The following XXYLT1 variants were observed in gnomAD, a reference collection of about 807,000 sequenced individuals.
XXYLT1 encodes xyloside xylosyltransferase 1, also known as UDP-xylose:alpha-xyloside alpha-1,3-xylosyltransferase.
XXYLT1 carries 20 observed loss-of-function variants against 28.9 expected under a neutral mutation model. That is an observed-to-expected ratio of 0.69 (90% CI 0.49 to 1.00). XXYLT1 has a LOEUF of 1.00. Among genes scored for constraint, XXYLT1 ranks in the 50% least tolerant of loss-of-function variants. The pLI is 0.00. For synonymous variants in XXYLT1, 257 were observed against 253.8 expected (o/e 1.01, Z -0.12); for missense variants, 542 against 560.1 (o/e 0.97, Z 0.33).
intron 3 of XXYLT1, among the ~76,000 whole-genome samples, chr3:195,072,382 A>G (rs1030929167): frequency 6.6e-5 from 10 of 152,162 alleles, no homozygotes; most frequent in Non-Finnish European, 1.2e-4. Flanking sequence ...TGTTCCAGGT[A>G]TCCTTACCAA....
intron 3 of XXYLT1, among the ~76,000 whole-genome samples, chr3:195,120,284 G>GC (rs3073308): frequency 0.024 from 2,705 of 111,700 alleles, 125 homozygotes; most frequent in African/African-American, 0.089. Context: ...CTGCTCAGAT[G>GC]CCCCCCCCGC....
chr3:195,136,817 A>AAAAT lies in XXYLT1; in HGVS notation c.785+19628_785+19631dup, dbSNP rs541615711. ...CATGGAGACTTCAGCCTGGACAAGA[A>AAAAT]AAATAAATAAATAAATAAAAACAAG... On this transcript the variant is annotated intron_variant, in intron 3 of 3. Coordinates refer to ENST00000310380, the MANE Select transcript of XXYLT1 (RefSeq NM_152531.5). 1.5e-4 allele frequency among the ~76,000 whole-genome samples: 23 copies of AAAAT among 152,262 alleles called. 1 individual carries two copies. The South Asian group carries it at 1.7e-3, about 11-fold the overall frequency.
chr3:195,162,662 C>T (rs985211801), intron 2 of XXYLT1, among the ~76,000 whole-genome samples: 9 of 152,336 alleles, frequency 5.9e-5, no homozygotes, highest in African/African-American at 2.2e-4. Context: ...GCTTCAGCAA[C>T]AGTGTAACAT....
chr3:195,104,582 G>A (rs574903841), intron 3 of XXYLT1, among the ~76,000 whole-genome samples: 7 of 152,266 alleles, frequency 4.6e-5, no homozygotes, highest in East Asian at 1.9e-4. Context: ...CAGTGGGGAC[G>A]AGGCGGGGAC....
intron 3 of XXYLT1, among the ~76,000 whole-genome samples, chr3:195,132,604 T>G (rs1277178426): frequency 1.3e-5 from 2 of 152,236 alleles, no homozygotes; most frequent in Non-Finnish European, 2.9e-5. Context: ...AATTGCAGTT[T>G]GAGAGGTAGG....
At chr3:195,243,074 A>G (rs1724847931) in intron 1 of XXYLT1, among the ~76,000 whole-genome samples, 2 of 152,194 alleles carry the variant, frequency 1.3e-5, no homozygotes, top group African/African-American at 2.4e-5. Context: ...CATGGATGAC[A>G]CTGGAAACCA....
chr3:195,156,412 G>C (rs746756588), intron 3 of XXYLT1, 37 bp downstream of exon 3: 17 of 1,604,686 alleles, frequency 1.1e-5, no homozygotes, highest in Non-Finnish European at 1.7e-6. Context: ...GGGTGGGGAG[G>C]GGTCGTGGAG....
intron 1 of XXYLT1, among the ~76,000 whole-genome samples, chr3:195,254,859 G>C (rs1725417446): frequency 6.6e-6 from 1 of 152,282 alleles, no homozygotes; most frequent in South Asian, 2.1e-4. Context: ...GATAGGACTG[G>C]GCCCCTGCTA....
intron 1 of XXYLT1, among the ~76,000 whole-genome samples, chr3:195,244,216 T>A (rs935197794): frequency 1.2e-4 from 19 of 152,016 alleles, no homozygotes; most frequent in Admixed American, 7.9e-4. Flanking sequence ...TAGGAGCAAA[T>A]GTAACACAAA....
chr3:195,181,294 G>A (rs1441832836), intron 2 of XXYLT1, among the ~76,000 whole-genome samples: 2 of 152,182 alleles, frequency 1.3e-5, no homozygotes, highest in Non-Finnish European at 2.9e-5. Flanking sequence ...TGGCTGCGGG[G>A]CTGCGGGGCT....
chr3:195,143,799 TAGATAGATATATATAG>T (rs1328084949), intron 3 of XXYLT1, among the ~76,000 whole-genome samples: 13,718 of 101,002 alleles, frequency 0.14, 1,814 homozygotes, highest in East Asian at 0.51. Flanking sequence ...TATATATATA[TAGATAGATATATATAG>T]ATATAGATAT....
At chr3:195,175,850 T>C (rs1387829916) in intron 2 of XXYLT1, 1 of 1,416,574 alleles carries the variant, frequency 7.1e-7, no homozygotes, top group South Asian at 1.5e-5. Flanking sequence ...AAAAGGAAGA[T>C]GTCCTAGAAA....
chr3:195,184,179 C>T (rs572604609), intron 2 of XXYLT1, among the ~76,000 whole-genome samples: 27 of 152,308 alleles, frequency 1.8e-4, no homozygotes, highest in African/African-American at 6.3e-4. Flanking sequence ...AAAGACCACC[C>T]GTGTAAGGCC....
intron 3 of XXYLT1, among the ~76,000 whole-genome samples, chr3:195,112,554 G>A (rs533089039): frequency 4.2e-5 from 6 of 144,256 alleles, no homozygotes; most frequent in Non-Finnish European, 6.0e-5. Flanking sequence ...GGTGGGAACA[G>A]CTAGATGAAG....
At chr3:195,106,235 C>T (rs1205875004) in intron 3 of XXYLT1, among the ~76,000 whole-genome samples, 1 of 145,348 alleles carries the variant, frequency 6.9e-6, no homozygotes, top group African/African-American at 2.8e-5. Flanking sequence ...GACGGAGAGG[C>T]GCTCTTGCTG....
chr3:195,076,912 C>T lies in XXYLT1; in HGVS notation c.786-6801G>A, dbSNP rs1012599196. On this transcript the variant is annotated intron_variant, in intron 3 of 3. Transcript: ENST00000310380. The surrounding 1 kb of genome is among the most constrained non-coding windows in gnomAD (Gnocchi z 5.3). The stretch of plus-strand genomic sequence containing the variant: ...TCTCAACTCTTTATATCTGCAACAA[C>T]CCCATTCCCACAAAAGGTGACACTC... Among the ~76,000 whole-genome samples the T allele has an allele frequency of 3.3e-5, 5 of 152,174 alleles. No homozygotes were observed. The highest frequency in any genetic ancestry group is 7.2e-5 in the African/African-American group (3 of 41,442).
rs1477565154 is a variant in XXYLT1 at position 195,212,772 on chromosome 3, C to G, written c.652+13937G>C. ...ACCCCTCGGTCCACTGAAAAACTGT[C>G]TTCTGTGAAACCAGTCACTGGTGCC... On this transcript the variant is annotated intron_variant, in intron 2 of 3. Transcript: ENST00000310380. 2.0e-5 allele frequency among the ~76,000 whole-genome samples: 3 copies of G among 152,200 alleles called. No homozygotes were observed. The East Asian group carries it at 5.8e-4, about 29-fold the overall frequency.
intron 3 of XXYLT1, among the ~76,000 whole-genome samples, chr3:195,140,221 T>G (rs887327569): frequency 6.6e-6 from 1 of 152,256 alleles, no homozygotes; most frequent in African/African-American, 2.4e-5. Flanking sequence ...CTTGATTCCT[T>G]CTGCATGGAA....
At chr3:195,083,640 A>G (rs1715559778) in intron 3 of XXYLT1, among the ~76,000 whole-genome samples, 2 of 152,220 alleles carry the variant, frequency 1.3e-5, no homozygotes, top group Admixed American at 1.3e-4. Flanking sequence ...AGGAATCATT[A>G]CCCAGCTATA....
Sources: allele counts gnomAD v4.1 joint callset (sites outside exome capture counted in the v4.1 genomes callset), GRCh38; gene constraint gnomAD v4.1.1; non-coding constraint Gnocchi (gnomAD v3.1); transcripts MANE v1.5; gene names NCBI Gene and HGNC (gene_info 2026-07-23, HGNC 2026-07-21).